The following ATR variants were observed in gnomAD, a reference collection of about 807,000 sequenced individuals.
The protein encoded by ATR is ATR checkpoint kinase, also known as serine/threonine-protein kinase ATR.
A neutral mutation model predicts 305.3 loss-of-function variants in ATR; 142 were observed. The observed-to-expected ratio is 0.47, with a 90% CI of 0.41 to 0.53. The LOEUF is 0.53. ATR is among the 20% of genes least tolerant of loss of function. The probability of loss-of-function intolerance (pLI) is 0.00; values close to 1 mark genes in which losing one functional copy is unlikely to be tolerated. For missense variants in ATR, 2,135 were observed against 3,133.1 expected, an observed-to-expected ratio of 0.68 and a Z score of 7.60; for synonymous variants, 1,050 against 1,068.1, an observed-to-expected ratio of 0.98 and a Z score of 0.33.
chr3:142,492,120 C>T (rs914610218), intron 35 of ATR, among the ~76,000 whole-genome samples: 2 of 152,152 alleles, frequency 1.3e-5, no homozygotes, highest in South Asian at 4.1e-4. Context: ...GTGTAATCAT[C>T]TTAAAGCTTG....
At chr3:142,478,541 T>C (rs1418486976) in intron 36 of ATR, among the ~76,000 whole-genome samples, 1 of 152,208 alleles carries the variant, frequency 6.6e-6, no homozygotes, top group East Asian at 1.9e-4. Flanking sequence ...AGGTGTGGTG[T>C]GGTGCTGAGA....
At chr3:142,509,711 C>T (rs944042812) in intron 27 of ATR, among the ~76,000 whole-genome samples, 2 of 151,648 alleles carry the variant, frequency 1.3e-5, no homozygotes, top group African/African-American at 2.4e-5. Context: ...GTGCACACCA[C>T]CACACCCAGC....
In ATR at chr3:142,571,100, AG is replaced by A. The variant is rs555263001; in HGVS notation, c.60-2947del. ...ACGCAAATAATTTAATAAATTCAAA[AG>A]GCAAGTAAAACAAGATCCTCTGCTT... On this transcript the variant is annotated intron_variant, in intron 1 of 46. Coordinates refer to ENST00000350721, the MANE Select transcript of ATR (RefSeq NM_001184.4). Among the ~76,000 whole-genome samples the A allele has an allele frequency of 3.8e-3, 582 of 152,314 alleles. 11 individuals are homozygous for A. Among genetic ancestry groups the A allele is most frequent in the African/African-American group, 0.014 (568 of 41,572 alleles).
At chr3:142,474,278 A>T in intron 36 of ATR, among the ~76,000 whole-genome samples, 1 of 152,102 alleles carries the variant, frequency 6.6e-6, no homozygotes, top group South Asian at 2.1e-4. Context: ...AGAATAAGCT[A>T]TTGGAATTCT....
At chr3:142,542,415 C>T (rs1181024470) in intron 17 of ATR, among the ~76,000 whole-genome samples, 8 of 152,262 alleles carry the variant, frequency 5.3e-5, no homozygotes, top group Non-Finnish European at 5.9e-5. Flanking sequence ...ATCATCCTTA[C>T]GCTTTTAGTA....
chr3:142,488,883 C>G (rs555776382), intron 35 of ATR, among the ~76,000 whole-genome samples: 17 of 152,266 alleles, frequency 1.1e-4, no homozygotes, highest in African/African-American at 4.1e-4. Context: ...ATTATTGAGT[C>G]TTCCCATTCA....
chr3:142,539,964 T>C (rs1010936613), intron 18 of ATR, among the ~76,000 whole-genome samples: 3 of 152,166 alleles, frequency 2.0e-5, no homozygotes, highest in African/African-American at 7.2e-5. Context: ...AAACCTACTG[T>C]CTAATCTTAC....
intron 16 of ATR, among the ~76,000 whole-genome samples, chr3:142,544,628 A>G (rs2034199704): frequency 6.7e-6 from 1 of 150,188 alleles, no homozygotes; most frequent in African/African-American, 2.4e-5. Context: ...GAGCAAAAAA[A>G]AAAAAAAAAA....
chr3:142,544,294 C>T (rs2034175307), intron 16 of ATR, among the ~76,000 whole-genome samples: 1 of 149,712 alleles, frequency 6.7e-6, no homozygotes, highest in Admixed American at 6.7e-5. Context: ...CCCATCTCTA[C>T]AAAAAAAATT....
chr3:142,539,887 A>G (rs1379809715), intron 18 of ATR, among the ~76,000 whole-genome samples: 1 of 152,200 alleles, frequency 6.6e-6, no homozygotes, highest in Non-Finnish European at 1.5e-5. Flanking sequence ...ATGATCATTA[A>G]TTAATGCTAA....
chr3:142,461,850 A>G, intron 42 of ATR, 90 bp downstream of exon 42: 1 of 1,398,850 alleles, frequency 7.1e-7, no homozygotes, highest in Non-Finnish European at 1.0e-6. Context: ...TATATCAAAA[A>G]ACATATGCTA....
At chr3:142,566,614 T>C (rs1177323846) in intron 2 of ATR, among the ~76,000 whole-genome samples, 3 of 132,938 alleles carry the variant, frequency 2.3e-5, no homozygotes, top group African/African-American at 2.9e-5. Flanking sequence ...AAAGCAAGAC[T>C]CTGTCTCTTA....
chr3:142,553,370 C>A lies in ATR; in HGVS notation c.2662G>T (p.Ala888Ser), dbSNP rs1559988588. ...RAAKGDLVPF[A>S]LLHLLHCLLS... The stretch of plus-strand genomic sequence containing the variant: ...AAACAATGCAATAAGTGTAAGAGTG[C>A]AAATGGTACCAAATCTCCTTTTGCG... Residue 888 changes from alanine (A) to serine (S), a missense_variant, in exon 13 of 47, where the codon GCA becomes TCA. Ala to Ser is a moderately conservative substitution (Grantham distance 99). This residue lies in a region of ATR where 530 missense variants were observed against 766.8 expected (regional missense o/e 0.69). Transcript: ENST00000350721. The A allele has an allele frequency of 1.2e-6, 2 of 1,613,742 alleles. No individual in the cohort carries two copies. The highest frequency in any genetic ancestry group is 1.7e-6 in the Non-Finnish European group (2 of 1,179,934).
At chr3:142,496,728 T>C (rs1333248507) in intron 33 of ATR, among the ~76,000 whole-genome samples, 1 of 152,184 alleles carries the variant, frequency 6.6e-6, no homozygotes, top group Non-Finnish European at 1.5e-5. Flanking sequence ...TTAACTTTTC[T>C]TACAGTGTTC....
intron 46 of ATR, chr3:142,452,541 G>A: frequency 1.7e-6 from 1 of 590,706 alleles, no homozygotes; most frequent in Middle Eastern, 8.7e-4. Flanking sequence ...AGCTGTGGTG[G>A]TGCACGCTTA....
chr3:142,558,615 A>C lies in ATR; in HGVS notation c.1885+9T>G, dbSNP rs1412159282. 3.7e-6 allele frequency: 6 copies of C among 1,609,600 alleles called. No homozygotes were observed. The highest frequency in any genetic ancestry group is 1.7e-5 in the Admixed American group (1 of 59,908). The stretch of plus-strand genomic sequence containing the variant: ...AACAAACCACACACACATTCTTGTG[A>C]GCACTTACAATAGCTATCTGAAATC... On this transcript the variant is annotated intron_variant, in intron 8 of 46. Coordinates refer to ENST00000350721, the MANE Select transcript of ATR (RefSeq NM_001184.4).
At chr3:142,461,880 A>T (rs2108265415) in intron 42 of ATR, 60 bp downstream of exon 42, 1 of 1,531,604 alleles carries the variant, frequency 6.5e-7, no homozygotes, top group South Asian at 1.1e-5. Flanking sequence ...AATACCAATT[A>T]TACCCATATT....
intron 22 of ATR, 39 bp downstream of exon 22, chr3:142,523,954 C>A (rs1384956507): frequency 6.3e-7 from 1 of 1,583,014 alleles, no homozygotes; most frequent in Admixed American, 1.7e-5. Context: ...CTCAATAGGA[C>A]AGAGAACTCT....
At position 142,508,094 on chromosome 3, in the gene ATR, T is replaced by A. The variant is rs771353049; in HGVS notation, c.4868A>T (p.Tyr1623Phe). The A allele has an allele frequency of 1.9e-6, 3 of 1,612,398 alleles. No individual in the cohort carries two copies. Among genetic ancestry groups the A allele is most frequent in the Non-Finnish European group, 2.5e-6 (3 of 1,179,300 alleles). The change falls in exon 28 of 47, where the codon TAT (tyrosine) becomes TTT (phenylalanine). Residue 1623 changes from tyrosine to phenylalanine, a missense_variant. Transcript: ENST00000350721. ...KVDSMVSTVD[Y>F]EDYQSVTRFL... ...ACGGGTTACACTCTGATAGTCTTCA[T>A]AATCCACAGTAGATACTAGATCATA...
Sources: gnomAD v4.1 joint callset for allele counts (sites outside exome capture counted in the v4.1 genomes callset) on GRCh38, gnomAD v4.1.1 for gene constraint, gnomAD v4.1.1 regional missense constraint, MANE v1.5 for transcripts, NCBI Gene and HGNC (gene_info 2026-07-23, HGNC 2026-07-21) for gene names.